PPRC1: variants seen among roughly 807,000 people sequenced by gnomAD.
PPRC1 encodes the protein PPARG related coactivator 1.
PPRC1 carries 23 observed loss-of-function variants against 132.5 expected under a neutral mutation model. The observed-to-expected ratio is 0.17, with a 90% CI of 0.12 to 0.25. The LOEUF (loss-of-function observed/expected upper bound fraction) is 0.25, where lower values mean the gene tolerates loss of function less well. Ranked by LOEUF, PPRC1 falls within the 10% of genes least tolerant of loss-of-function variation. The pLI is 1.00. For synonymous variants in PPRC1, 872 were observed against 833.5 expected (o/e 1.05, Z -0.80); for missense variants, 2,006 against 2,089.1 (o/e 0.96, Z 0.78).
rs1408095051 is a variant in PPRC1 at position 102,140,303 on chromosome 10, C to T, written c.1795C>T (p.Pro599Ser). The stretch of plus-strand genomic sequence containing the variant: ...TGAAGCTGATCCCACTGCAGTTGGC[C>T]CTGTTCTAGCTGGCCCTGTACCTGT... ...SVEADPTAVG[P>S]VLAGPVPVDP... The change falls in exon 5 of 14, where the codon CCT becomes TCT. Residue 599 changes from proline (P) to serine (S), a missense_variant. Physicochemically the swap from Pro to Ser is moderately conservative, Grantham distance 74. Coordinates refer to ENST00000278070, the MANE Select transcript of PPRC1 (RefSeq NM_015062.5). 1 of 1,614,116 alleles carries T rather than the reference C, an allele frequency of 6.2e-7. No individual in the cohort carries two copies. The highest frequency in any genetic ancestry group is 2.2e-5 in the East Asian group (1 of 44,880).
intron 1 of PPRC1, among the ~76,000 whole-genome samples, chr10:102,134,585 G>A (rs2068652965): frequency 6.6e-6 from 1 of 152,130 alleles, no homozygotes; most frequent in Non-Finnish European, 1.5e-5. Context: ...TATCAGGTCC[G>A]GCAGACCAAT....
Position 102,139,406 on chromosome 10 carries a change from G to C in PPRC1, c.898G>C (p.Glu300Gln), listed in dbSNP as rs1465423376. The stretch of plus-strand genomic sequence containing the variant: ...GATGGCAGTGCCAGCAGCTGGTGAT[G>C]AGAGCATCTCCTCCCTGAGTGAGCT... ...AEMAVPAAGD[E>Q]SISSLSELVR... Residue 300 changes from glutamate to glutamine, a missense_variant, in exon 5 of 14, where the codon GAG (glutamate) becomes CAG (glutamine). Coordinates refer to ENST00000278070, the MANE Select transcript of PPRC1 (RefSeq NM_015062.5). The C allele has an allele frequency of 6.2e-7, 1 of 1,614,254 alleles. No individual in the cohort carries two copies. Among genetic ancestry groups the C allele is most frequent in the Non-Finnish European group, 8.5e-7 (1 of 1,180,054 alleles).
chr10:102,145,022 G>A lies in PPRC1; in HGVS notation c.3611G>A (p.Gly1204Asp). 6.3e-7 allele frequency: 1 copy of A among 1,599,780 alleles called. No homozygotes were observed. The highest frequency in any genetic ancestry group is 8.5e-7 in the Non-Finnish European group (1 of 1,172,442). The change falls in exon 8 of 14, where the codon GGC becomes GAC. Residue 1204 changes from glycine (G) to aspartate (D), a missense_variant and splice_region_variant. Physicochemically the swap from Gly to Asp is moderately conservative, Grantham distance 94. This residue lies in a region of PPRC1 where 1,914 missense variants were observed against 1,917.2 expected (regional missense o/e 1.00). Coordinates refer to ENST00000278070, the MANE Select transcript of PPRC1 (RefSeq NM_015062.5). ...TTTCCCTTTTCCCCCCCCGCCAGCG[G>A]CGTTGACATTCCCCAGGAGAAGAGG... ...ADSLAVGNSG[G>D]VDIPQEKRPL...
intron 1 of PPRC1, among the ~76,000 whole-genome samples, chr10:102,135,797 T>C (rs1389134349): frequency 2.6e-5 from 4 of 152,220 alleles, no homozygotes; most frequent in East Asian, 3.8e-4. Flanking sequence ...CTGACTGTTT[T>C]TGAACCCTGG....
chr10:102,149,452 G>C, intron 13 of PPRC1, 123 bp downstream of exon 13: 1 of 1,200,370 alleles, frequency 8.3e-7, no homozygotes, highest in Non-Finnish European at 1.1e-6. Flanking sequence ...ACCCAAGGGG[G>C]CTGGGCATGG....
At position 102,146,982 on chromosome 10, in the gene PPRC1, C is replaced by T; in HGVS notation, c.3990C>T (p.Thr1330=). The change falls in exon 9 of 14, where the codon ACC becomes ACT. Residue 1330 remains threonine, a synonymous_variant. Transcript: ENST00000278070. The part of the protein sequence containing the change: ...RWNVKRHQDI[T]IKPVLSLGPA... Reference sequence around the variant, plus strand: ...ATGTCAAGCGCCATCAGGACATCACCATCAAACCTGTCTTGTCCTTGGGCC... The same window carrying T: ...ATGTCAAGCGCCATCAGGACATCACTATCAAACCTGTCTTGTCCTTGGGCC... The T allele has an allele frequency of 1.2e-6, 2 of 1,614,142 alleles. No homozygotes were observed. The highest frequency in any genetic ancestry group is 1.7e-6 in the Non-Finnish European group (2 of 1,180,012).
At chr10:102,120,183 A>AGCC in the PPRC1 span, 149 of 1,142,248 alleles carry the variant, frequency 1.3e-4, no homozygotes, top group Non-Finnish European at 1.4e-4. Flanking sequence ...GCCGGGCATG[A>AGCC]GCCGCCGCCG....
At position 102,140,672 on chromosome 10, in the gene PPRC1, A is replaced by G; in HGVS notation, c.2164A>G (p.Ile722Val). 6.2e-7 allele frequency: 1 copy of G among 1,614,054 alleles called. No homozygotes were observed. Among genetic ancestry groups the G allele is most frequent in the African/African-American group, 1.3e-5 (1 of 75,018 alleles). ...AGAGTCCTTGGACCCACCAAAGACC[A>G]TCATCCCTGAAGTCAAAGAGGTTGT... ...ESESLDPPKT[I>V]IPEVKEVVDS... Residue 722 changes from isoleucine to valine, a missense_variant, in exon 5 of 14, where the codon ATC (isoleucine) becomes GTC (valine). Physicochemically the swap from Ile to Val is conservative, Grantham distance 29 (BLOSUM62 3). Transcript: ENST00000278070.
intron 6 of PPRC1, among the ~76,000 whole-genome samples, chr10:102,143,436 T>C (rs1485994209): frequency 6.6e-6 from 1 of 151,880 alleles, no homozygotes; most frequent in Non-Finnish European, 1.5e-5. Context: ...CCGTATCTAC[T>C]AAAAATACAA....
rs1564942426 is a variant in PPRC1 at position 102,140,935 on chromosome 10, A to C, written c.2427A>C (p.Arg809Ser). The change falls in exon 5 of 14, where the codon AGA (arginine) becomes AGC (serine). Residue 809 changes from arginine (R) to serine (S), a missense_variant. Arg to Ser is a moderately radical substitution (Grantham distance 110). Transcript: ENST00000278070. ...PAPAKKTALQ[R>S]SPETPLEICL... ...CAGCCAAGAAGACAGCTCTGCAGAG[A>C]AGCCCTGAAACACCCCTTGAGATTT... is the stretch of plus-strand genomic sequence containing the variant. The C allele has an allele frequency of 6.2e-7, 1 of 1,613,924 alleles. No individual in the cohort carries two copies. The highest frequency in any genetic ancestry group is 1.3e-5 in the African/African-American group (1 of 75,018).
intron 4 of PPRC1, 38 bp downstream of exon 4, chr10:102,139,018 GGGAGGA>G: frequency 6.2e-7 from 1 of 1,603,416 alleles, no homozygotes; most frequent in Non-Finnish European, 8.5e-7. Flanking sequence ...ACTCCCAGGT[GGGAGGA>G]GGAGTGTGTG....
At chr10:102,136,294 A>AG (rs776944583) in intron 1 of PPRC1, among the ~76,000 whole-genome samples, 3 of 151,234 alleles carry the variant, frequency 2.0e-5, no homozygotes, top group Non-Finnish European at 3.0e-5. Flanking sequence ...CAGCTCTGTT[A>AG]GGAGGGTATA....
the PPRC1 span, chr10:102,120,270 G>A: frequency 2.0e-6 from 2 of 983,592 alleles, no homozygotes; most frequent in African/African-American, 3.5e-5. Context: ...TGGCTGCGGC[G>A]AGGGGCCTGT....
chr10:102,146,589 G>A, intron 8 of PPRC1, 83 bp from the exon 9 acceptor site: 1 of 1,484,180 alleles, frequency 6.7e-7, no homozygotes, highest in East Asian at 2.3e-5. Context: ...TGAGGTGGGG[G>A]TCTCTGGAGG....
Position 102,148,409 on chromosome 10 carries a change from T to C in PPRC1, c.4438T>C (p.Ser1480Pro), listed in dbSNP as rs2069358158. The change falls in exon 10 of 14, where the codon TCT (serine) becomes CCT (proline). Residue 1480 changes from serine (S) to proline (P), a missense_variant. By Grantham distance (74) the Ser-to-Pro change is moderately conservative. This residue lies in a region of PPRC1 where 1,914 missense variants were observed against 1,917.2 expected (regional missense o/e 1.00). Coordinates refer to ENST00000278070, the MANE Select transcript of PPRC1 (RefSeq NM_015062.5). The surrounding 1 kb of genome is among the most constrained non-coding windows in gnomAD (Gnocchi z 4.2). ...CSSSGRSRRC[S>P]SSSSSSSSSS... ...TTCCTCTGGACGTTCTCGAAGATGC[T>C]CTTCCTCTTCTTCGTCATCATCTTC... is the stretch of plus-strand genomic sequence containing the variant. The C allele has an allele frequency of 6.2e-7, 1 of 1,612,500 alleles. No individual in the cohort carries two copies. Among genetic ancestry groups the C allele is most frequent in the African/African-American group, 1.3e-5 (1 of 74,896 alleles).
At chr10:102,128,214 A>G (rs2068491728), upstream of PPRC1, among the ~76,000 whole-genome samples, 1 of 151,280 alleles carries the variant, frequency 6.6e-6, no homozygotes, top group African/African-American at 2.4e-5. Context: ...ATCTCAGCTC[A>G]CTGCAACCTC....
Position 102,140,222 on chromosome 10 carries a change from A to C in PPRC1, c.1714A>C (p.Thr572Pro). Residue 572 changes from threonine (T) to proline (P), a missense_variant, in exon 5 of 14, where the codon ACC becomes CCC. Around this residue, in one of 2 missense-constraint regions of PPRC1, gnomAD observed 1,914 missense variants for 1,917.2 expected, o/e 1.00. Coordinates refer to ENST00000278070, the MANE Select transcript of PPRC1 (RefSeq NM_015062.5). Reference protein sequence around the residue: ...ADTIQTNPIPTHLSLVDSAQA... With the variant: ...ADTIQTNPIPPHLSLVDSAQA... ...CACTATCCAAACCAATCCTATACCA[A>C]CCCATCTCTCATTGGTCGACTCTGC... is the stretch of plus-strand genomic sequence containing the variant. 6.2e-7 allele frequency: 1 copy of C among 1,613,664 alleles called. No individual in the cohort carries two copies. The highest frequency in any genetic ancestry group is 8.5e-7 in the Non-Finnish European group (1 of 1,179,872).
At position 102,145,016 on chromosome 10, in the gene PPRC1, C is replaced by A; in HGVS notation, c.3609-4C>A. On this transcript the variant is annotated splice_region_variant and splice_polypyrimidine_tract_variant and intron_variant, in intron 7 of 13. Transcript: ENST00000278070. Reference sequence around the variant, plus strand: ...TCAGGCTTTCCCTTTTCCCCCCCCGCCAGCGGCGTTGACATTCCCCAGGAG... The same window carrying A: ...TCAGGCTTTCCCTTTTCCCCCCCCGACAGCGGCGTTGACATTCCCCAGGAG... The A allele has an allele frequency of 6.3e-7, 1 of 1,576,558 alleles. No individual in the cohort carries two copies. The highest frequency in any genetic ancestry group is 8.6e-7 in the Non-Finnish European group (1 of 1,163,354).
chr10:102,132,670 G>GC (rs1233571662), upstream of PPRC1, among the ~76,000 whole-genome samples: 3 of 152,340 alleles, frequency 2.0e-5, no homozygotes, highest in South Asian at 2.1e-4. Flanking sequence ...GGCCCACTTG[G>GC]CCCCACTTGG....
Sources: allele counts gnomAD v4.1 joint callset (sites outside exome capture counted in the v4.1 genomes callset), GRCh38; gene constraint gnomAD v4.1.1; regional missense constraint gnomAD v4.1.1; non-coding constraint Gnocchi (gnomAD v3.1); transcripts MANE v1.5; gene names NCBI Gene and HGNC (gene_info 2026-07-23, HGNC 2026-07-21).